SPAG16: variants seen among roughly 807,000 people sequenced by gnomAD.
SPAG16 encodes sperm associated antigen 16.
In SPAG16, 86 loss-of-function variants were observed where a neutral mutation model predicts 80.4. The observed-to-expected ratio is 1.07, with a 90% CI of 0.90 to 1.28. SPAG16 has a LOEUF of 1.28. Among genes scored for constraint, SPAG16 ranks in the 50% most tolerant of loss-of-function variants. SPAG16 has a pLI of 0.00. For synonymous variants in SPAG16, 294 were observed against 265.9 expected (o/e 1.11, Z -1.03); for missense variants, 870 against 765.3 (o/e 1.14, Z -1.61).
At chr2:213,847,928 A>G (rs1457081878) in intron 10 of SPAG16, among the ~76,000 whole-genome samples, 1 of 152,190 alleles carries the variant, frequency 6.6e-6, no homozygotes, top group Non-Finnish European at 1.5e-5. Context: ...GCCGTATGTT[A>G]TAGAGGAAGC....
intron 12 of SPAG16, among the ~76,000 whole-genome samples, chr2:213,957,740 T>A (rs2044222008): frequency 6.6e-6 from 1 of 152,242 alleles, no homozygotes; most frequent in South Asian, 2.1e-4. Context: ...AATTACTTCC[T>A]TTGTGTGTAT....
chr2:214,032,546 C>T (rs370575763), intron 13 of SPAG16, among the ~76,000 whole-genome samples: 19 of 151,924 alleles, frequency 1.3e-4, no homozygotes, highest in African/African-American at 3.6e-4. Flanking sequence ...TACAGCTTCT[C>T]GGAGGCTAGG....
chr2:213,440,339 G>A (rs892200064), intron 9 of SPAG16, among the ~76,000 whole-genome samples: 1 of 152,068 alleles, frequency 6.6e-6, no homozygotes, highest in African/African-American at 2.4e-5. Context: ...CACGAGGTCA[G>A]GAGATTGAGA....
chr2:213,356,059 A>T (rs1469597183), intron 7 of SPAG16, among the ~76,000 whole-genome samples: 3 of 152,290 alleles, frequency 2.0e-5, no homozygotes, highest in East Asian at 3.9e-4. Context: ...TACCTAGTTT[A>T]TTGAGAGATT....
intron 13 of SPAG16, among the ~76,000 whole-genome samples, chr2:214,078,757 A>C (rs1368051607): frequency 1.3e-5 from 2 of 152,162 alleles, no homozygotes; most frequent in African/African-American, 4.8e-5. Context: ...GACATGATAA[A>C]TATCTTTAGG....
At chr2:213,862,152 C>T (rs775400765) in intron 10 of SPAG16, among the ~76,000 whole-genome samples, 1 of 152,060 alleles carries the variant, frequency 6.6e-6, no homozygotes, top group Non-Finnish European at 1.5e-5. Context: ...ATAAAAATAC[C>T]ATTGGCATAA....
chr2:214,113,041 T>C (rs1418499148), intron 14 of SPAG16, among the ~76,000 whole-genome samples: 1 of 152,224 alleles, frequency 6.6e-6, no homozygotes, highest in Non-Finnish European at 1.5e-5. Flanking sequence ...CTCTCAGCAT[T>C]TGCTTGTCTG....
chr2:214,410,107 A>G lies in SPAG16; in HGVS notation c.1721-33A>G, dbSNP rs759788415. The G allele has an allele frequency of 6.2e-6, 10 of 1,604,392 alleles. No homozygotes were observed. The Admixed American group carries it at 8.4e-5, about 13-fold the overall frequency. ...AACACTTGAAATAAAACTTTGATTC[A>G]TTCTCTCTCTCTCTCCTCTCTGTCT... On this transcript the variant is annotated intron_variant, in intron 15 of 15. Coordinates refer to ENST00000331683, the MANE Select transcript of SPAG16 (RefSeq NM_024532.5).
At chr2:214,134,462 A>G (rs1022645700) in intron 14 of SPAG16, among the ~76,000 whole-genome samples, 2 of 152,184 alleles carry the variant, frequency 1.3e-5, no homozygotes, top group African/African-American at 2.4e-5. Flanking sequence ...AACATACCAC[A>G]TATTTTACTG....
chr2:213,418,211 C>T (rs2069379988), intron 9 of SPAG16, among the ~76,000 whole-genome samples: 1 of 152,262 alleles, frequency 6.6e-6, no homozygotes, highest in East Asian at 1.9e-4. Flanking sequence ...CACATATATG[C>T]ATACATGGTA....
intron 15 of SPAG16, among the ~76,000 whole-genome samples, chr2:214,206,754 C>G (rs2058154819): frequency 6.6e-6 from 1 of 152,014 alleles, no homozygotes; most frequent in African/African-American, 2.4e-5. Flanking sequence ...TATGAGAGTT[C>G]CTATTTCTCT....
At chr2:213,296,980 TA>T in intron 2 of SPAG16, 4 of 1,062,222 alleles carry the variant, frequency 3.8e-6, no homozygotes, top group Non-Finnish European at 4.9e-6. Context: ...ATAGCCTTAT[TA>T]TTTTTTCAGC....
intron 11 of SPAG16, among the ~76,000 whole-genome samples, chr2:213,892,719 G>A (rs1449795351): frequency 6.6e-6 from 1 of 152,082 alleles, no homozygotes; most frequent in African/African-American, 2.4e-5. Flanking sequence ...AGATGAAAGA[G>A]TCAGTGGACT....
intron 14 of SPAG16, among the ~76,000 whole-genome samples, chr2:214,113,492 C>T (rs1233199303): frequency 6.6e-6 from 1 of 152,168 alleles, no homozygotes; most frequent in African/African-American, 2.4e-5. Context: ...CACATAGTCC[C>T]ATATTGTTTG....
chr2:214,024,638 T>C (rs2048042255), intron 13 of SPAG16, among the ~76,000 whole-genome samples: 1 of 151,630 alleles, frequency 6.6e-6, no homozygotes. Flanking sequence ...TCAGTGAGTA[T>C]TTCTTCCTTT....
intron 12 of SPAG16, among the ~76,000 whole-genome samples, chr2:213,978,411 C>T (rs2045529207): frequency 6.6e-6 from 1 of 152,044 alleles, no homozygotes; most frequent in South Asian, 2.1e-4. Context: ...CACAGGCAGC[C>T]TCCTCAACGT....
intron 10 of SPAG16, among the ~76,000 whole-genome samples, chr2:213,515,342 G>C (rs56325677): frequency 6.6e-6 from 1 of 152,020 alleles, no homozygotes; most frequent in Non-Finnish European, 1.5e-5. Context: ...TGTTAGATGC[G>C]AGGAAGTCAC....
intron 9 of SPAG16, among the ~76,000 whole-genome samples, chr2:213,435,272 A>G (rs1255379217): frequency 1.3e-5 from 2 of 152,226 alleles, no homozygotes; most frequent in Admixed American, 6.5e-5. Flanking sequence ...CTTAGGTGAA[A>G]CAATGCAGAA....
At chr2:213,479,093 C>CTTTTTTTTTTTT (rs1559173970) in intron 9 of SPAG16, among the ~76,000 whole-genome samples, 1 of 115,654 alleles carries the variant, frequency 8.6e-6, no homozygotes, top group African/African-American at 3.8e-5. Flanking sequence ...ACACTGGCTT[C>CTTTTTTTTTTTT]CTTTTTTTTT....
Sources: gnomAD v4.1 joint callset for allele counts (sites outside exome capture counted in the v4.1 genomes callset) on GRCh38, gnomAD v4.1.1 for gene constraint, MANE v1.5 for transcripts, NCBI Gene and HGNC (gene_info 2026-07-23, HGNC 2026-07-21) for gene names.